Variants in NBEA observed in about 807,000 individuals in gnomAD.
The protein encoded by NBEA is neurobeachin.
NBEA carries 44 observed loss-of-function variants against 343.4 expected under a neutral mutation model. That is an observed-to-expected ratio of 0.13 (90% CI 0.10 to 0.16). The LOEUF is 0.16. Ranked by LOEUF, NBEA falls within the 10% of genes least tolerant of loss-of-function variation. The pLI, the probability that NBEA is intolerant of heterozygous loss-of-function variation, is 1.00. For synonymous variants in NBEA, 1,175 were observed against 1,238.7 expected (o/e 0.95, Z 1.08); for missense variants, 2,555 against 3,631.3 (o/e 0.70, Z 7.62).
chr13:35,019,152 G>T (rs1270937028), intron 1 of NBEA, among the ~76,000 whole-genome samples: 2 of 151,020 alleles, frequency 1.3e-5, no homozygotes, highest in Non-Finnish European at 3.0e-5. Context: ...GATTTAATTT[G>T]GTATATATTA....
chr13:35,070,259 C>G (rs2063814114), intron 9 of NBEA, among the ~76,000 whole-genome samples, 154 bp downstream of exon 9: 1 of 151,976 alleles, frequency 6.6e-6, no homozygotes, highest in Non-Finnish European at 1.5e-5. Context: ...AAGAATATCT[C>G]TCTTTTCTAT....
At chr13:35,123,699 C>T in intron 17 of NBEA, 125 bp downstream of exon 17, 2 of 439,786 alleles carry the variant, frequency 4.5e-6, no homozygotes, top group Admixed American at 4.3e-5. Context: ...TAATAGCTTT[C>T]TGTGGTAGAA....
intron 34 of NBEA, among the ~76,000 whole-genome samples, chr13:35,255,097 G>T (rs990670947): frequency 6.6e-6 from 1 of 151,870 alleles, no homozygotes; most frequent in Non-Finnish European, 1.5e-5. Flanking sequence ...TTAATGAATC[G>T]ACCTCATGTT....
At chr13:35,060,892 A>G (rs917456209) in intron 8 of NBEA, among the ~76,000 whole-genome samples, 5 of 151,698 alleles carry the variant, frequency 3.3e-5, no homozygotes, top group African/African-American at 1.2e-4. Context: ...TGTAGAGAAT[A>G]TAATAACTAG....
intron 17 of NBEA, among the ~76,000 whole-genome samples, chr13:35,125,661 C>T (rs1394645025): frequency 6.6e-6 from 1 of 152,024 alleles, no homozygotes; most frequent in Non-Finnish European, 1.5e-5. Context: ...AATTAGACTG[C>T]ATCAAAAGAA....
Position 35,671,066 on chromosome 13 carries a change from G to GA in NBEA, c.*81dup, listed in dbSNP as rs930425416. 4.8e-6 allele frequency: 5 copies of GA among 1,048,732 alleles called. No individual in the cohort carries two copies. The highest frequency in any genetic ancestry group is 4.1e-5 in the Admixed American group (2 of 48,338). 65.0% of individuals were successfully genotyped at this position (1,048,732 alleles called of 1,614,324 possible). A position where few individuals can be genotyped will look rare whatever the true frequency, so the allele number is the denominator to read the frequency against. Reference sequence around the variant, plus strand: ...GCATGGAAAGGCAATATCTCTGGTGGAAAAAACTCGTCTACATCGACCTCC... The same window carrying GA: ...GCATGGAAAGGCAATATCTCTGGTGGAAAAAAACTCGTCTACATCGACCTCC... On this transcript the variant is annotated 3_prime_UTR_variant, in exon 59 of 59. Transcript: ENST00000379939.
intron 28 of NBEA, among the ~76,000 whole-genome samples, chr13:35,180,724 C>T (rs1201972251): frequency 2.6e-5 from 4 of 151,624 alleles, no homozygotes; most frequent in African/African-American, 7.3e-5. Context: ...TTTGAATACA[C>T]GAGTAAGTTC....
intron 36 of NBEA, among the ~76,000 whole-genome samples, chr13:35,314,260 T>G (rs2037567335): frequency 6.6e-6 from 1 of 152,050 alleles, no homozygotes; most frequent in South Asian, 2.1e-4. Flanking sequence ...TGTAAAAGAA[T>G]GGAGAAGAGA....
chr13:35,158,304 G>A (rs888999846), intron 21 of NBEA, among the ~76,000 whole-genome samples: 11 of 152,168 alleles, frequency 7.2e-5, no homozygotes, highest in Admixed American at 3.3e-4. Context: ...GTAAGAGAAA[G>A]TCTGTGAACT....
chr13:35,633,297 T>C (rs528028282), intron 49 of NBEA, among the ~76,000 whole-genome samples: 155 of 151,312 alleles, frequency 1.0e-3, no homozygotes, highest in African/African-American at 3.6e-3. Context: ...AGAGATGGGG[T>C]TTCACCATGT....
chr13:35,645,971 C>A, intron 50 of NBEA, 40 bp downstream of exon 50: 1 of 1,302,966 alleles, frequency 7.7e-7, no homozygotes, highest in Non-Finnish European at 1.1e-6. Flanking sequence ...GTTCTTTGGT[C>A]TTTAGCTGCA....
chr13:35,476,456 A>G (rs2075877738), intron 41 of NBEA: 6 of 860,390 alleles, frequency 7.0e-6, no homozygotes, highest in Non-Finnish European at 1.1e-5. Flanking sequence ...TCCTTGTGTG[A>G]GAGAACCGCA....
intron 33 of NBEA, among the ~76,000 whole-genome samples, chr13:35,230,866 T>C (rs951791): frequency 0.18 from 27,427 of 151,890 alleles, 2,695 homozygotes; most frequent in African/African-American, 0.25. Context: ...AACAAATGCT[T>C]GCCGTACACA....
chr13:35,341,737 C>G (rs972579377), intron 36 of NBEA, among the ~76,000 whole-genome samples: 2 of 151,936 alleles, frequency 1.3e-5, no homozygotes, highest in African/African-American at 4.8e-5. Flanking sequence ...AAGTGTTGGC[C>G]AGGATTCACA....
At chr13:35,308,542 A>ATATATG (rs1555361137) in intron 35 of NBEA, among the ~76,000 whole-genome samples, 11 of 81,906 alleles carry the variant, frequency 1.3e-4, no homozygotes, top group Non-Finnish European at 1.8e-4. Flanking sequence ...GTATATATGT[A>ATATATG]TATATATGTA....
At chr13:35,417,179 A>G (rs9593184) in intron 38 of NBEA, among the ~76,000 whole-genome samples, 3,668 of 152,096 alleles carry the variant, frequency 0.024, 149 homozygotes, top group African/African-American at 0.08. Context: ...GATCTTTTCA[A>G]AAAACCAGCT....
chr13:34,952,255 G>C (rs1399308208), intron 1 of NBEA, among the ~76,000 whole-genome samples: 1 of 152,200 alleles, frequency 6.6e-6, no homozygotes, highest in Non-Finnish European at 1.5e-5. Context: ...GCCTCAGTGA[G>C]TTGATTCTCT....
intron 17 of NBEA, among the ~76,000 whole-genome samples, chr13:35,128,515 A>G (rs1328175361): frequency 6.6e-6 from 1 of 152,154 alleles, no homozygotes; most frequent in Non-Finnish European, 1.5e-5. Context: ...GTGTAGGAAG[A>G]TTGGAGTGCT....
At chr13:35,667,636 T>C in intron 57 of NBEA, 66 bp downstream of exon 57, 4 of 1,375,528 alleles carry the variant, frequency 2.9e-6, no homozygotes, top group Non-Finnish European at 4.1e-6. Context: ...TTGTTTTACA[T>C]TAAATAATTC....
Sources: gnomAD v4.1 joint callset for allele counts (sites outside exome capture counted in the v4.1 genomes callset) on GRCh38, gnomAD v4.1.1 for gene constraint, MANE v1.5 for transcripts, NCBI Gene and HGNC (gene_info 2026-07-23, HGNC 2026-07-21) for gene names.